The following TGFBRAP1 variants were observed in gnomAD, a reference collection of about 807,000 sequenced individuals.
TGFBRAP1 encodes transforming growth factor-beta receptor-associated protein 1.
Under a neutral mutation model 83.2 loss-of-function variants are expected in TGFBRAP1, and 20 were observed. The observed-to-expected ratio is 0.24, with a 90% CI of 0.17 to 0.35. TGFBRAP1 has a LOEUF of 0.35. TGFBRAP1 is among the 10% of genes least tolerant of loss of function. The pLI, the probability that TGFBRAP1 is intolerant of heterozygous loss-of-function variation, is 1.00. For missense variants in TGFBRAP1, 950 were observed against 1,099.4 expected, an observed-to-expected ratio of 0.86 and a Z score of 1.92; for synonymous variants, 415 against 459.8, an observed-to-expected ratio of 0.90 and a Z score of 1.25.
Position 105,267,196 on chromosome 2 carries a change from TTCCATGTACATTCATAGAGCCTGGTC to T in TGFBRAP1, c.*161_*186del. The T allele has an allele frequency of 5.8e-6, 1 of 172,266 alleles. No individual in the cohort carries two copies. The highest frequency in any genetic ancestry group is 9.8e-6 in the Non-Finnish European group (1 of 102,092). 10.7% of individuals were successfully genotyped at this position (172,266 alleles called of 1,614,324 possible). On this transcript the variant is annotated 3_prime_UTR_variant, in exon 12 of 12. Coordinates refer to ENST00000393359, the MANE Select transcript of TGFBRAP1 (RefSeq NM_004257.6). ...CATGTACATTCATAGAGCCTGGTCA[TTCCATGTACATTCATAGAGCCTGGTC>T]AGCAGCGAGGAGTCCTTGTTGCGTA...
intron 3 of TGFBRAP1, among the ~76,000 whole-genome samples, chr2:105,296,861 C>T (rs989043643): frequency 7.3e-6 from 1 of 136,880 alleles, no homozygotes; most frequent in African/African-American, 2.7e-5. Context: ...AGAGTTCAAT[C>T]AGGGAACATT....
At chr2:105,320,562 C>T (rs1330374315) in intron 1 of TGFBRAP1, among the ~76,000 whole-genome samples, 2 of 152,136 alleles carry the variant, frequency 1.3e-5, no homozygotes, top group African/African-American at 2.4e-5. Context: ...TTATAACATA[C>T]CAGAAGGTAG....
chr2:105,289,749 C>T (rs190717939), intron 4 of TGFBRAP1, among the ~76,000 whole-genome samples: 8 of 152,296 alleles, frequency 5.3e-5, no homozygotes, highest in East Asian at 1.9e-4. Context: ...AAACAATAAT[C>T]GAGTGAAAAG....
intron 1 of TGFBRAP1, among the ~76,000 whole-genome samples, chr2:105,313,948 C>T (rs1307420509): frequency 6.6e-6 from 1 of 152,168 alleles, no homozygotes; most frequent in African/African-American, 2.4e-5. Flanking sequence ...TGACTCTCCC[C>T]CAATCATGCT....
rs936338297 is a variant in TGFBRAP1 at position 105,269,893 on chromosome 2, T to A, written c.1973-188A>T. ...ATTTTCACACTGTGAATCCAGGTGT[T>A]AGTAAAACAGAAGGCAGACTCTACT... On this transcript the variant is annotated intron_variant, in intron 10 of 11. Coordinates refer to ENST00000393359, the MANE Select transcript of TGFBRAP1 (RefSeq NM_004257.6). This position sits in a 1 kb window ranked among gnomAD's most constrained non-coding sequence, Gnocchi z 4.1. 6.6e-6 allele frequency among the ~76,000 whole-genome samples: 1 copy of A among 152,160 alleles called. No homozygotes were observed. The highest frequency in any genetic ancestry group is 1.5e-5 in the Non-Finnish European group (1 of 68,016).
chr2:105,312,803 A>G (rs1678735167), intron 1 of TGFBRAP1, among the ~76,000 whole-genome samples: 1 of 152,212 alleles, frequency 6.6e-6, no homozygotes, highest in Non-Finnish European at 1.5e-5. Context: ...AGTATCTGGC[A>G]TCACTTTAAA....
chr2:105,318,102 C>G (rs1272987116), intron 1 of TGFBRAP1, among the ~76,000 whole-genome samples: 3 of 152,194 alleles, frequency 2.0e-5, no homozygotes, highest in Non-Finnish European at 4.4e-5. Flanking sequence ...AGCCATGACT[C>G]TACTCCTAGG....
the TGFBRAP1 span, among the ~76,000 whole-genome samples, chr2:105,252,239 C>G: frequency 0.11 from 17,149 of 152,244 alleles, 1,211 homozygotes; most frequent in Middle Eastern, 0.15. Flanking sequence ...CTTTATTACA[C>G]CATAACAAGA....
At chr2:105,250,482 G>T in the TGFBRAP1 span, among the ~76,000 whole-genome samples, 1 of 152,098 alleles carries the variant, frequency 6.6e-6, no homozygotes, top group African/African-American at 2.4e-5. Context: ...CTTTATTCAT[G>T]GTCCTTTGGA....
chr2:105,250,805 C>T, the TGFBRAP1 span, among the ~76,000 whole-genome samples: 2 of 152,222 alleles, frequency 1.3e-5, no homozygotes, highest in Non-Finnish European at 2.9e-5. Flanking sequence ...AGGCGCGCGC[C>T]GCCACGCCTG....
At chr2:105,297,397 C>T (rs991906521) in intron 3 of TGFBRAP1, among the ~76,000 whole-genome samples, 1 of 152,174 alleles carries the variant, frequency 6.6e-6, no homozygotes, top group Non-Finnish European at 1.5e-5. Context: ...ACCCTGAGCC[C>T]GACTCTACCA....
downstream of TGFBRAP1, among the ~76,000 whole-genome samples, chr2:105,260,448 G>A (rs1268085323): frequency 6.6e-6 from 1 of 152,194 alleles, no homozygotes; most frequent in Non-Finnish European, 1.5e-5. Flanking sequence ...GCTACAATAT[G>A]GGTGAACTTT....
At chr2:105,294,215 A>T (rs1204002003) in intron 4 of TGFBRAP1, among the ~76,000 whole-genome samples, 1 of 152,120 alleles carries the variant, frequency 6.6e-6, no homozygotes, top group East Asian at 1.9e-4. Context: ...CGTTCCTGAC[A>T]TACTATCCGG....
chr2:105,307,769 T>C lies in TGFBRAP1; in HGVS notation c.533A>G (p.His178Arg). The C allele has an allele frequency of 6.2e-7, 1 of 1,614,138 alleles. No homozygotes were observed. The highest frequency in any genetic ancestry group is 8.5e-7 in the Non-Finnish European group (1 of 1,180,028). ...AGTGGTCAGAGCCAGACACAGGAAG[T>C]GGCCGTCCACAGCCACAGCGAGGGG... is the stretch of plus-strand genomic sequence containing the variant. ...EQPLAVAVDG[H>R]FLCLALTTQY... The change falls in exon 2 of 12, where the codon CAC becomes CGC. Residue 178 changes from histidine to arginine, a missense_variant. Coordinates refer to ENST00000393359, the MANE Select transcript of TGFBRAP1 (RefSeq NM_004257.6).
In TGFBRAP1 at chr2:105,307,908, C is replaced by T; in HGVS notation, c.394G>A (p.Asp132Asn). Residue 132 changes from aspartate to asparagine, a missense_variant, in exon 2 of 12, where the codon GAC becomes AAC. Coordinates refer to ENST00000393359, the MANE Select transcript of TGFBRAP1 (RefSeq NM_004257.6). Reference protein sequence around the residue: ...FALNENPVSGDPFCVEVCIIS... With the variant: ...FALNENPVSGNPFCVEVCIIS... ...ATGCAAACTTCTACACAGAAGGGGT[C>T]CCCACTCACAGGGTTCTCGTTCAGT... 6.2e-7 allele frequency: 1 copy of T among 1,614,198 alleles called. No homozygotes were observed. The highest frequency in any genetic ancestry group is 1.3e-5 in the African/African-American group (1 of 75,048).
At chr2:105,256,519 T>C in the TGFBRAP1 span, among the ~76,000 whole-genome samples, 2 of 152,202 alleles carry the variant, frequency 1.3e-5, no homozygotes, top group African/African-American at 2.4e-5. Context: ...GATAAAACAA[T>C]GTAAACGTCT....
chr2:105,284,287 G>A (rs1247343385), intron 5 of TGFBRAP1, 29 bp downstream of exon 5: 2 of 1,603,942 alleles, frequency 1.2e-6, no homozygotes, highest in African/African-American at 2.7e-5. Context: ...CACTGTAGTG[G>A]CAGTCTTGCT....
intron 3 of TGFBRAP1, 48 bp downstream of exon 3, chr2:105,298,463 A>C: frequency 2.6e-6 from 4 of 1,523,586 alleles, no homozygotes; most frequent in Non-Finnish European, 2.7e-6. Flanking sequence ...AAGAAATATC[A>C]TAAAAGAGTT....
Position 105,269,266 on chromosome 2 carries a change from A to G in TGFBRAP1, c.2406+6T>C, listed in dbSNP as rs1677059054. On this transcript the variant is annotated splice_donor_region_variant and intron_variant, in intron 11 of 11. Transcript: ENST00000393359. The surrounding 1 kb of genome is among the most constrained non-coding windows in gnomAD (Gnocchi z 4.1). The stretch of plus-strand genomic sequence containing the variant: ...CAGGAAGCAGCTCGTGGGGGCCAGC[A>G]CTTACCTTATCGTAGGTGTAGATTA... The G allele has an allele frequency of 6.3e-7, 1 of 1,592,120 alleles. No individual in the cohort carries two copies.
Sources: gnomAD v4.1 joint callset for allele counts (sites outside exome capture counted in the v4.1 genomes callset) on GRCh38, gnomAD v4.1.1 for gene constraint, Gnocchi (gnomAD v3.1) non-coding constraint, MANE v1.5 for transcripts, NCBI Gene and HGNC (gene_info 2026-07-23, HGNC 2026-07-21) for gene names.